GGTLC2: variants seen among roughly 807,000 people sequenced by gnomAD.
GGTLC2 encodes gamma-glutamyltransferase light chain 2.
A neutral mutation model predicts 20.2 loss-of-function variants in GGTLC2; 13 were observed. That is an observed-to-expected ratio of 0.64 (90% CI 0.42 to 1.02). The LOEUF (loss-of-function observed/expected upper bound fraction) is 1.02. Ranked by LOEUF, GGTLC2 falls within the 50% of genes least tolerant of loss-of-function variation. The pLI is 0.00. For synonymous variants in GGTLC2, 89 were observed against 125.5 expected, an observed-to-expected ratio of 0.71 and a Z score of 1.94; for missense variants, 202 against 301.3, an observed-to-expected ratio of 0.67 and a Z score of 2.44.
chr22:22,646,408 G>T lies in GGTLC2; in HGVS notation c.63G>T (p.Pro21=), dbSNP rs1279748938. The T allele has an allele frequency of 6.6e-7, 1 of 1,520,942 alleles. No homozygotes were observed. The highest frequency in any genetic ancestry group is 1.6e-5 in the African/African-American group (1 of 60,738). 94.2% of individuals were successfully genotyped at this position (1,520,942 alleles called of 1,614,324 possible). A position where few individuals can be genotyped will look rare whatever the true frequency, so the allele number is the denominator to read the frequency against. Reference sequence around the variant, plus strand: ...AGATCTCTGACGACACCACTCACCCGATCTCCTACTACAAGCCCGAGTTCT... The same window carrying T: ...AGATCTCTGACGACACCACTCACCCTATCTCCTACTACAAGCCCGAGTTCT... ...RAQISDDTTH[P]ISYYKPEFYT... The change falls in exon 2 of 6, where the codon CCG becomes CCT. Residue 21 remains proline (P), a synonymous_variant. Transcript: ENST00000448514.
intron 1 of GGTLC2, among the ~76,000 whole-genome samples, 199 bp downstream of exon 1, chr22:22,644,907 T>C (rs1318944530): frequency 9.2e-6 from 1 of 108,140 alleles, no homozygotes; most frequent in Non-Finnish European, 1.8e-5. Flanking sequence ...TTTTTTTTTT[T>C]TGAGATGGAG....
chr22:22,645,970 T>C (rs1383257859), intron 1 of GGTLC2: 1 of 363,192 alleles, frequency 2.8e-6, no homozygotes, highest in Non-Finnish European at 5.2e-6. Context: ...CCTGTGTGTG[T>C]TTGTTTTTCT....
Position 22,645,014 on chromosome 22 carries a change from T to C in GGTLC2, c.-35+306T>C, listed in dbSNP as rs1421194765. Among the ~76,000 whole-genome samples the C allele has an allele frequency of 5.3e-4, 71 of 134,016 alleles. No individual in the cohort carries two copies. The South Asian group carries it at 0.012, about 22-fold the overall frequency. 87.9% of individuals were successfully genotyped at this position (134,016 alleles called of 152,430 possible). ...TTCACGCCATTCTCCTGCCTCAGCC[T>C]CTGGAGTAGTTGGGACTACAGGCGC... On this transcript the variant is annotated intron_variant, in intron 1 of 5. Coordinates refer to ENST00000448514, the MANE Select transcript of GGTLC2 (RefSeq NM_199127.3).
intron 5 of GGTLC2, 126 bp downstream of exon 5, chr22:22,647,416 G>A (rs1180958687): frequency 6.6e-7 from 1 of 1,503,926 alleles, no homozygotes; most frequent in Non-Finnish European, 9.1e-7. Context: ...GCCATCTGGA[G>A]CCCCTGTGCC....
In GGTLC2 at chr22:22,647,055, G is replaced by C. The variant is rs1367653808; in HGVS notation, c.360+17G>C. The C allele has an allele frequency of 5.6e-6, 9 of 1,611,656 alleles. No individual in the cohort carries two copies. The highest frequency in any genetic ancestry group is 7.6e-6 in the Non-Finnish European group (9 of 1,179,792). ...GACGGCCAGGTCCGGATGGTGGTGGGAGCTGCTGGGGGCACACAGATCACC... is the reference window on the plus strand; with the variant it reads ...GACGGCCAGGTCCGGATGGTGGTGGCAGCTGCTGGGGGCACACAGATCACC... On this transcript the variant is annotated intron_variant, in intron 4 of 5. Transcript: ENST00000448514.
intron 1 of GGTLC2, among the ~76,000 whole-genome samples, chr22:22,645,313 G>T (rs1157294330): frequency 2.0e-5 from 3 of 150,936 alleles, no homozygotes; most frequent in Admixed American, 6.6e-5. Flanking sequence ...GGGGACCTTG[G>T]CCAGGCTCAT....
rs1382091197 is a variant in GGTLC2, at chr22:22,647,789, C to G, written c.*48C>G. 8 of 1,591,468 alleles carry G rather than the reference C, an allele frequency of 5.0e-6. No homozygotes were observed. The highest frequency in any genetic ancestry group is 6.8e-6 in the Non-Finnish European group (8 of 1,168,500). ...ACAAGCAATCCAGGGACAAGATACT[C>G]ACCAGGACCAGGAAGGGGACTCTGG... On this transcript the variant is annotated 3_prime_UTR_variant, in exon 6 of 6. Coordinates refer to ENST00000448514, the MANE Select transcript of GGTLC2 (RefSeq NM_199127.3).
At chr22:22,646,284 T>TTGCGC in intron 1 of GGTLC2, 28 bp from the exon 2 acceptor site, 1 of 632,426 alleles carries the variant, frequency 1.6e-6, no homozygotes, top group Non-Finnish European at 2.8e-6. Context: ...CTGTGTCCCC[T>TTGCGC]CCCCACCCTC....
rs1237939786 is a variant in GGTLC2, at chr22:22,646,978, C to T, written c.305-5C>T. 1 of 1,611,644 alleles carries T rather than the reference C, an allele frequency of 6.2e-7. No individual in the cohort carries two copies. Among genetic ancestry groups the T allele is most frequent in the Non-Finnish European group, 8.5e-7 (1 of 1,179,782 alleles). ...GGCATCCCTGTCTTCTCCCATCGGC[C>T]ACAGGGAAGCAGCCGCTCTCGTCAA... On this transcript the variant is annotated splice_region_variant and splice_polypyrimidine_tract_variant and intron_variant, in intron 3 of 5. Transcript: ENST00000448514.
intron 2 of GGTLC2, 106 bp from the exon 3 acceptor site, chr22:22,646,648 A>G: frequency 6.8e-7 from 1 of 1,478,782 alleles, no homozygotes; most frequent in South Asian, 1.3e-5. Flanking sequence ...CAACCTTGGT[A>G]GCTTATCCTG....
rs1489206062 is a variant in GGTLC2, at chr22:22,647,600, G to A, written c.516G>A (p.Val172=). 11 of 1,587,430 alleles carry A rather than the reference G, an allele frequency of 6.9e-6. No homozygotes were observed. In the African/African-American group the frequency reaches 1.1e-4, roughly 16 times the overall value. The change falls in exon 6 of 6, where the codon GTG becomes GTA. Residue 172 remains valine (V), a synonymous_variant. Coordinates refer to ENST00000448514, the MANE Select transcript of GGTLC2 (RefSeq NM_199127.3). ...TTVERNIDQA[V]TAALETRHHH... ...CCCTCTCCTCCCACCCCCAGGCAGT[G>A]ACTGCAGCCCTGGAGACCCGGCACC...
intron 5 of GGTLC2, 69 bp downstream of exon 5, chr22:22,647,359 A>T (rs1382548970): frequency 3.3e-5 from 53 of 1,606,258 alleles, no homozygotes; most frequent in Non-Finnish European, 4.4e-5. Flanking sequence ...GGAGGCCTGG[A>T]TCATCACAGA....
intron 2 of GGTLC2, 105 bp downstream of exon 2, chr22:22,646,626 G>A: frequency 2.9e-6 from 4 of 1,394,956 alleles, no homozygotes; most frequent in Admixed American, 2.3e-5. Flanking sequence ...TTCCTGGTGG[G>A]AAACTGAGGC....
At chr22:22,646,283 C>T in intron 1 of GGTLC2, 29 bp from the exon 2 acceptor site, 2 of 802,178 alleles carry the variant, frequency 2.5e-6, no homozygotes, top group South Asian at 1.5e-5. Context: ...CCTGTGTCCC[C>T]TCCCCACCCT....
intron 1 of GGTLC2, among the ~76,000 whole-genome samples, chr22:22,645,593 G>A (rs568938541): frequency 6.6e-6 from 1 of 150,744 alleles, no homozygotes; most frequent in Admixed American, 6.6e-5. Context: ...CCTCCCCTTT[G>A]GGCTTTATCC....
intron 2 of GGTLC2, 113 bp from the exon 3 acceptor site, chr22:22,646,641 C>A (rs1162415295): frequency 1.2e-4 from 173 of 1,460,454 alleles, no homozygotes; most frequent in Non-Finnish European, 1.6e-4. Context: ...TGAGGCCCAA[C>A]CTTGGTAGCT....
At chr22:22,645,610 C>G (rs1274568534) in intron 1 of GGTLC2, among the ~76,000 whole-genome samples, 48 of 150,514 alleles carry the variant, frequency 3.2e-4, no homozygotes, top group South Asian at 1.7e-3. Flanking sequence ...ATCCTTATCC[C>G]CGTCATAGCT....
chr22:22,647,562 C>T lies in GGTLC2; in HGVS notation c.511-33C>T, dbSNP rs1163958923. Reference sequence around the variant, plus strand: ...TGTGGTTCAGGTGGCATCTGGAGCCCTGCTCAGGCTTCCCCTCTCCTCCCA... The same window carrying T: ...TGTGGTTCAGGTGGCATCTGGAGCCTTGCTCAGGCTTCCCCTCTCCTCCCA... On this transcript the variant is annotated intron_variant, in intron 5 of 5. Coordinates refer to ENST00000448514, the MANE Select transcript of GGTLC2 (RefSeq NM_199127.3). 1.8e-5 allele frequency: 28 copies of T among 1,595,342 alleles called. 1 individual carries two copies. In the South Asian group the frequency reaches 1.8e-4, roughly 10 times the overall value.
intron 5 of GGTLC2, 62 bp downstream of exon 5, chr22:22,647,352 G>A (rs1170384861): frequency 5.0e-6 from 8 of 1,606,126 alleles, no homozygotes; most frequent in Non-Finnish European, 6.8e-6. Context: ...CTGGGCTGGA[G>A]GCCTGGATCA....
Sources: gnomAD v4.1 joint callset for allele counts (sites outside exome capture counted in the v4.1 genomes callset) on GRCh38, gnomAD v4.1.1 for gene constraint, MANE v1.5 for transcripts, NCBI Gene and HGNC (gene_info 2026-07-23, HGNC 2026-07-21) for gene names.